SLC7A1: variants seen among roughly 807,000 people sequenced by gnomAD.
SLC7A1 encodes high affinity cationic amino acid transporter 1.
SLC7A1 carries 10 observed loss-of-function variants against 53.9 expected under a neutral mutation model. The ratio of observed to expected loss-of-function variants is 0.19; its 90% CI spans 0.11 to 0.31. The LOEUF (loss-of-function observed/expected upper bound fraction) is 0.31. Ranked by LOEUF, SLC7A1 falls within the 10% of genes least tolerant of loss-of-function variation. The pLI, the probability that SLC7A1 is intolerant of heterozygous loss-of-function variation, is 1.00. For missense variants in SLC7A1, 525 were observed against 827.2 expected (o/e 0.63, Z 4.48); for synonymous variants, 342 against 338.7 (o/e 1.01, Z -0.11).
In SLC7A1 at chr13:29,536,013, C is replaced by A. The variant is rs772091363; in HGVS notation, c.176G>T (p.Arg59Leu). The A allele has an allele frequency of 1.2e-6, 2 of 1,614,034 alleles. No homozygotes were observed. Among genetic ancestry groups the A allele is most frequent in the East Asian group, 2.2e-5 (1 of 44,872 alleles). ...GVYVLAGAVA[R>L]ENAGPAIVIS... is the part of the protein sequence containing the mutation. ...GACAATGGCAGGGCCTGCATTCTCA[C>A]GGGCCACAGCTCCAGCCAGGACGTA... The change falls in exon 3 of 13, where the codon CGT (arginine) becomes CTT (leucine). Residue 59 changes from arginine (R) to leucine (L), a missense_variant. Arg to Leu is a moderately radical substitution (Grantham distance 102). Transcript: ENST00000380752.
chr13:29,537,940 G>A (rs1869498705), intron 2 of SLC7A1, among the ~76,000 whole-genome samples: 1 of 152,136 alleles, frequency 6.6e-6, no homozygotes, highest in Non-Finnish European at 1.5e-5. Flanking sequence ...TCAGCTGCCG[G>A]GCGGGCGCAG....
chr13:29,527,898 T>A (rs1303099425), intron 5 of SLC7A1, among the ~76,000 whole-genome samples: 1 of 152,242 alleles, frequency 6.6e-6, no homozygotes, highest in East Asian at 1.9e-4. Context: ...CAGCTGGACA[T>A]ATGAGCCTTA....
rs989708659 is a variant in SLC7A1, at chr13:29,524,173, C to T, written c.785G>A (p.Cys262Tyr). Residue 262 changes from cysteine to tyrosine, a missense_variant, in exon 6 of 13, where the codon TGC becomes TAC. Physicochemically the swap from Cys to Tyr is radical, Grantham distance 194. Around this residue, in one of 4 missense-constraint regions of SLC7A1, gnomAD observed 354 missense variants for 587.5 expected, o/e 0.60. Coordinates refer to ENST00000380752, the MANE Select transcript of SLC7A1 (RefSeq NM_003045.5). Reference sequence around the variant, plus strand: ...GTCAAAGCCCACGAAGGCATAGAAGCAAGTCGCTGCCCCCGACAGGACACC... The same window carrying T: ...GTCAAAGCCCACGAAGGCATAGAAGTAAGTCGCTGCCCCCGACAGGACACC... The part of the protein sequence containing the change: ...FSGVLSGAAT[C>Y]FYAFVGFDCI... 2 of 1,614,062 alleles carry T rather than the reference C, an allele frequency of 1.2e-6. No individual in the cohort carries two copies. The highest frequency in any genetic ancestry group is 1.3e-5 in the African/African-American group (1 of 75,050).
chr13:29,560,534 C>A (rs1470451775), intron 1 of SLC7A1, among the ~76,000 whole-genome samples: 1 of 151,236 alleles, frequency 6.6e-6, no homozygotes, highest in Non-Finnish European at 1.5e-5. Flanking sequence ...ATTACTATTA[C>A]ATAGTAAAAA....
chr13:29,574,435 G>C (rs968265849), intron 1 of SLC7A1, among the ~76,000 whole-genome samples: 6 of 152,192 alleles, frequency 3.9e-5, no homozygotes, highest in African/African-American at 1.4e-4. Flanking sequence ...TCATCTGTGG[G>C]AGTTATGGCC....
In SLC7A1 at chr13:29,577,239, G is replaced by A. The variant is rs536155099; in HGVS notation, c.-115+18177C>T. Among the ~76,000 whole-genome samples the A allele has an allele frequency of 3.9e-5, 6 of 152,280 alleles. No homozygotes were observed. In the South Asian group the frequency reaches 1.2e-3, roughly 32 times the overall value. On this transcript the variant is annotated intron_variant, in intron 1 of 12. Transcript: ENST00000380752. ...GCCACTTTGTTGGTGAAGACGTCTG[G>A]GGCTTTTCTCCACACCTCAAGCTGG... is the stretch of plus-strand genomic sequence containing the variant.
At chr13:29,566,883 G>A (rs1016560584) in intron 1 of SLC7A1, among the ~76,000 whole-genome samples, 8 of 152,228 alleles carry the variant, frequency 5.3e-5, no homozygotes, top group African/African-American at 1.7e-4. Context: ...ATTCAAGTTC[G>A]GTTGCTAAGG....
Position 29,523,343 on chromosome 13 carries a change from G to C in SLC7A1, c.972C>G (p.Pro324=), listed in dbSNP as rs140418174. The part of the protein sequence containing the change: ...YFCLDNNSPL[P]DAFKHVGWEG... ...CCCAGCCCACGTGCTTAAAGGCGTC[G>C]GGCAGGGGGCTGTTATTGTCCAGGC... The change falls in exon 7 of 13, where the codon CCC becomes CCG. Residue 324 remains proline (P), a synonymous_variant. Transcript: ENST00000380752. The C allele has an allele frequency of 4.3e-6, 7 of 1,613,750 alleles. No individual in the cohort carries two copies. Among genetic ancestry groups the C allele is most frequent in the East Asian group, 2.2e-5 (1 of 44,840 alleles).
At chr13:29,592,805 C>T (rs1223526643) in intron 1 of SLC7A1, among the ~76,000 whole-genome samples, 3 of 152,152 alleles carry the variant, frequency 2.0e-5, no homozygotes, top group African/African-American at 7.2e-5. Flanking sequence ...TGCCTCCCCA[C>T]CCGAGGCCTG....
At chr13:29,556,584 G>A (rs754741004) in intron 1 of SLC7A1, among the ~76,000 whole-genome samples, 1 of 152,142 alleles carries the variant, frequency 6.6e-6, no homozygotes, top group Non-Finnish European at 1.5e-5. Context: ...TTGCCACATT[G>A]CCCAGGTTGG....
chr13:29,548,188 C>T (rs991056521), intron 2 of SLC7A1, among the ~76,000 whole-genome samples: 4 of 152,200 alleles, frequency 2.6e-5, no homozygotes, highest in African/African-American at 9.7e-5. Context: ...CCTCTCTCAC[C>T]CGATAGCCTC....
intron 1 of SLC7A1, among the ~76,000 whole-genome samples, chr13:29,580,434 A>AAGT (rs1871594950): frequency 1.4e-4 from 21 of 152,018 alleles, no homozygotes; most frequent in Non-Finnish European, 2.8e-4. Flanking sequence ...CCCCGTTTTG[A>AAGT]GATCTATTCC....
At chr13:29,535,565 G>T (rs1001962372) in intron 3 of SLC7A1, among the ~76,000 whole-genome samples, 5 of 151,894 alleles carry the variant, frequency 3.3e-5, no homozygotes, top group Admixed American at 2.6e-4. Flanking sequence ...TGTCAGGCAG[G>T]GTATTTCTAC....
chr13:29,542,197 G>C (rs891303895), intron 2 of SLC7A1, among the ~76,000 whole-genome samples: 1 of 152,206 alleles, frequency 6.6e-6, no homozygotes, highest in Non-Finnish European at 1.5e-5. Flanking sequence ...GCTCACACCT[G>C]TAATCCCAGC....
intron 3 of SLC7A1, among the ~76,000 whole-genome samples, chr13:29,534,712 G>T (rs1194845485): frequency 1.3e-5 from 2 of 152,118 alleles, no homozygotes; most frequent in Admixed American, 1.3e-4. Context: ...GTGTGGTGGG[G>T]TCCAGTGGGA....
Position 29,552,222 on chromosome 13 carries a change from TACACACAC to T in SLC7A1, c.-15+1531_-15+1538del, listed in dbSNP as rs34563180. ...GGGAGACAAGTCAGGTGAGGGTCAT[TACACACAC>T]ACACACACACACACACACACACACA... On this transcript the variant is annotated intron_variant, in intron 2 of 12. Transcript: ENST00000380752. Among the ~76,000 whole-genome samples the T allele has an allele frequency of 1.3e-3, 193 of 146,544 alleles. 1 individual carries two copies. The highest frequency in any genetic ancestry group is 3.1e-3 in the African/African-American group (123 of 39,788).
chr13:29,575,537 T>C (rs965258975), intron 1 of SLC7A1, among the ~76,000 whole-genome samples: 2 of 152,208 alleles, frequency 1.3e-5, no homozygotes, highest in East Asian at 3.8e-4. Context: ...GAACTAAAGA[T>C]GTATTTAGCT....
intron 8 of SLC7A1, among the ~76,000 whole-genome samples, chr13:29,522,079 A>C (rs1339001667): frequency 6.6e-5 from 10 of 152,188 alleles, no homozygotes; most frequent in African/African-American, 2.2e-4. Context: ...CCGCCCATTG[A>C]GATGAAAACC....
chr13:29,533,595 T>G (rs1322686546), intron 3 of SLC7A1, among the ~76,000 whole-genome samples: 1 of 152,084 alleles, frequency 6.6e-6, no homozygotes, highest in Non-Finnish European at 1.5e-5. Flanking sequence ...TCTGCCACTT[T>G]TTGCCTGAAC....
Sources: allele counts gnomAD v4.1 joint callset (sites outside exome capture counted in the v4.1 genomes callset), GRCh38; gene constraint gnomAD v4.1.1; regional missense constraint gnomAD v4.1.1; transcripts MANE v1.5; gene names NCBI Gene and HGNC (gene_info 2026-07-23, HGNC 2026-07-21).